Variants in CTNND2 observed in about 807,000 individuals in gnomAD.
The protein encoded by CTNND2 is catenin delta-2.
Under a neutral mutation model 144.4 loss-of-function variants are expected in CTNND2, and 22 were observed. That is an observed-to-expected ratio of 0.15 (90% CI 0.11 to 0.22). The LOEUF (loss-of-function observed/expected upper bound fraction) is 0.22. Among genes scored for constraint, CTNND2 ranks in the 10% least tolerant of loss-of-function variants. The pLI is 1.00. For synonymous variants in CTNND2, 751 were observed against 695.6 expected, an observed-to-expected ratio of 1.08 and a Z score of -1.25; for missense variants, 1,353 against 1,618.8, an observed-to-expected ratio of 0.84 and a Z score of 2.82.
intron 9 of CTNND2, among the ~76,000 whole-genome samples, chr5:11,297,532 C>T (rs1479792240): frequency 6.6e-6 from 1 of 152,084 alleles, no homozygotes; most frequent in Non-Finnish European, 1.5e-5. Context: ...AAAATATTTA[C>T]ATCAATACAT....
intron 8 of CTNND2, 44 bp from the exon 9 acceptor site, chr5:11,346,671 C>A (rs1026012331): frequency 7.1e-7 from 1 of 1,417,484 alleles, no homozygotes; most frequent in Non-Finnish European, 9.2e-7. Flanking sequence ...TGAGGACCTG[C>A]TCACAGAAAT....
intron 11 of CTNND2, among the ~76,000 whole-genome samples, chr5:11,166,406 G>T (rs1212105445): frequency 6.7e-6 from 1 of 148,372 alleles, no homozygotes; most frequent in Non-Finnish European, 1.5e-5. Flanking sequence ...GCACCACCAC[G>T]CCCGGCTAAA....
intron 11 of CTNND2, among the ~76,000 whole-genome samples, chr5:11,166,873 T>C (rs1189410501): frequency 6.6e-6 from 1 of 152,106 alleles, no homozygotes; most frequent in African/African-American, 2.4e-5. Context: ...TGGAAAACAT[T>C]CCTATACCAC....
chr5:11,223,219 A>G (rs1739976602), intron 10 of CTNND2, among the ~76,000 whole-genome samples: 2 of 152,092 alleles, frequency 1.3e-5, no homozygotes, highest in African/African-American at 4.8e-5. Flanking sequence ...CTCCATCACT[A>G]GTCTCTTCTC....
At chr5:11,675,760 A>G (rs945986672) in intron 2 of CTNND2, among the ~76,000 whole-genome samples, 2 of 151,974 alleles carry the variant, frequency 1.3e-5, no homozygotes, top group Admixed American at 6.6e-5. Context: ...ATGTGTGTGT[A>G]TATATGTGTA....
At chr5:11,347,694 A>C (rs17801474) in intron 8 of CTNND2, among the ~76,000 whole-genome samples, 42,713 of 152,068 alleles carry the variant, frequency 0.28, 6,253 homozygotes, top group Non-Finnish European at 0.33. Context: ...CAGTGGCTAG[A>C]TAGGACCATT....
chr5:11,131,364 G>C (rs1376219347), intron 12 of CTNND2, among the ~76,000 whole-genome samples: 1 of 152,176 alleles, frequency 6.6e-6, no homozygotes, highest in East Asian at 1.9e-4. Context: ...CTTCTAAGAA[G>C]TAGGGGAACA....
intron 16 of CTNND2, among the ~76,000 whole-genome samples, chr5:11,046,792 C>T (rs1465558141): frequency 5.3e-5 from 8 of 152,176 alleles, no homozygotes; most frequent in Admixed American, 5.2e-4. Flanking sequence ...ATCACTGTCA[C>T]TACCACTGGA....
intron 21 of CTNND2, among the ~76,000 whole-genome samples, chr5:10,978,041 G>T (rs1220431523): frequency 6.6e-6 from 1 of 152,202 alleles, no homozygotes; most frequent in Non-Finnish European, 1.5e-5. Context: ...TCACTACCCA[G>T]TGTGAAGCCT....
At position 11,578,811 on chromosome 5, in the gene CTNND2, G is replaced by A. The variant is rs548097428; in HGVS notation, c.175-13755C>T. 4.6e-5 allele frequency among the ~76,000 whole-genome samples: 7 copies of A among 152,318 alleles called. No individual in the cohort carries two copies. The South Asian group carries it at 6.2e-4, about 14-fold the overall frequency. Reference sequence around the variant, plus strand: ...AGTGGGATAGCAGAGGCAATACAGAGATAGCTGGCCCATTGGTATTTCCTA... The same window carrying A: ...AGTGGGATAGCAGAGGCAATACAGAAATAGCTGGCCCATTGGTATTTCCTA... On this transcript the variant is annotated intron_variant, in intron 2 of 21. Coordinates refer to ENST00000304623, the MANE Select transcript of CTNND2 (RefSeq NM_001332.4).
intron 11 of CTNND2, among the ~76,000 whole-genome samples, chr5:11,176,803 T>C (rs1199511876): frequency 6.6e-6 from 1 of 152,146 alleles, no homozygotes; most frequent in Non-Finnish European, 1.5e-5. Flanking sequence ...TTATCTCAAC[T>C]GGCTATTTAT....
In CTNND2 at chr5:11,506,951, TC is replaced by T. The variant is rs1262537039; in HGVS notation, c.287+57992del. Among the ~76,000 whole-genome samples, 9 of 152,306 alleles carry T rather than the reference TC, an allele frequency of 5.9e-5. No homozygotes were observed. In the South Asian group the frequency reaches 6.2e-4, roughly 11 times the overall value. ...ATCAATTTCTGAATTGTTTTCTACTTCCCCCTCAACCCTTACATCGAATTAG... is the reference window on the plus strand; with the variant it reads ...ATCAATTTCTGAATTGTTTTCTACTTCCCCTCAACCCTTACATCGAATTAG... On this transcript the variant is annotated intron_variant, in intron 3 of 21. Transcript: ENST00000304623.
chr5:11,231,711 G>T (rs932102163), intron 10 of CTNND2, among the ~76,000 whole-genome samples: 1 of 152,204 alleles, frequency 6.6e-6, no homozygotes, highest in African/African-American at 2.4e-5. Flanking sequence ...CTCATTTTCC[G>T]GGGATAAATT....
At chr5:11,191,543 G>GC (rs1232085208) in intron 11 of CTNND2, among the ~76,000 whole-genome samples, 1 of 152,198 alleles carries the variant, frequency 6.6e-6, no homozygotes, top group African/African-American at 2.4e-5. Flanking sequence ...CTGCTTGGTT[G>GC]CAGGTTGAGA....
At chr5:11,760,207 G>C (rs932302513) in intron 1 of CTNND2, among the ~76,000 whole-genome samples, 3 of 152,034 alleles carry the variant, frequency 2.0e-5, no homozygotes, top group East Asian at 3.9e-4. Flanking sequence ...GCTTGCTTTG[G>C]TGTTCCAGTG....
intron 1 of CTNND2, among the ~76,000 whole-genome samples, chr5:11,860,991 G>C (rs2127025182): frequency 6.6e-6 from 1 of 152,282 alleles, no homozygotes; most frequent in Non-Finnish European, 1.5e-5. Context: ...ATTTTGAAGT[G>C]ATCTTGTTCT....
chr5:11,292,656 C>A (rs1343535677), intron 9 of CTNND2, among the ~76,000 whole-genome samples: 1 of 152,182 alleles, frequency 6.6e-6, no homozygotes, highest in Non-Finnish European at 1.5e-5. Context: ...TTGTAAGTTT[C>A]CTGAAGCCTC....
intron 1 of CTNND2, among the ~76,000 whole-genome samples, chr5:11,839,848 T>G (rs1794367335): frequency 6.6e-6 from 1 of 152,056 alleles, no homozygotes; most frequent in South Asian, 2.1e-4. Flanking sequence ...TGACCTAGCC[T>G]AGGCAGGCGT....
At chr5:11,751,713 C>T (rs944194073) in intron 1 of CTNND2, among the ~76,000 whole-genome samples, 1 of 151,750 alleles carries the variant, frequency 6.6e-6, no homozygotes, top group Non-Finnish European at 1.5e-5. Context: ...GATTTACATT[C>T]CTTTGGGAAT....
Sources: allele counts gnomAD v4.1 joint callset (sites outside exome capture counted in the v4.1 genomes callset), GRCh38; gene constraint gnomAD v4.1.1; transcripts MANE v1.5; gene names NCBI Gene and HGNC (gene_info 2026-07-23, HGNC 2026-07-21).